GPBP1L1: variants seen among roughly 807,000 people sequenced by gnomAD.
GPBP1L1 encodes the protein GC-rich promoter binding protein 1 like 1, also known as vasculin-like protein 1.
Under a neutral mutation model 52.5 loss-of-function variants are expected in GPBP1L1, and 23 were observed. The observed-to-expected ratio is 0.44, with a 90% CI of 0.32 to 0.62. The LOEUF (loss-of-function observed/expected upper bound fraction) is 0.62. GPBP1L1 is among the 20% of genes least tolerant of loss of function. The probability of loss-of-function intolerance (pLI) is 0.06; values close to 1 mark genes in which losing one functional copy is unlikely to be tolerated. For synonymous variants in GPBP1L1, 243 were observed against 203.1 expected (o/e 1.20, Z -1.67); for missense variants, 596 against 579.3 (o/e 1.03, Z -0.30).
chr1:45,683,203 C>CT (rs764606358), intron 2 of GPBP1L1, among the ~76,000 whole-genome samples: 2,567 of 83,778 alleles, frequency 0.031, 442 homozygotes, highest in African/African-American at 0.042. Context: ...GAATATAGGC[C>CT]TTTTTTTTTT....
chr1:45,630,500 G>C lies in GPBP1L1; in HGVS notation c.1151C>G (p.Ser384Cys), dbSNP rs775584679. 11 of 1,613,834 alleles carry C rather than the reference G, an allele frequency of 6.8e-6. No homozygotes were observed. The highest frequency in any genetic ancestry group is 2.7e-5 in the African/African-American group (2 of 74,932). Residue 384 changes from serine to cysteine, a missense_variant, in exon 11 of 13, where the codon TCT (serine) becomes TGT (cysteine). Transcript: ENST00000355105. ...CACTTACCTGTGCTCTGCTTCTAGA[G>C]AGTGTGAGAGAACCTCCCCTTCTTC... is the stretch of plus-strand genomic sequence containing the variant. ...VVEEGEVLSH[S>C]LEAEHRLLKA...
At chr1:45,629,036 T>C (rs1032402993) in intron 12 of GPBP1L1, among the ~76,000 whole-genome samples, 7 of 152,224 alleles carry the variant, frequency 4.6e-5, no homozygotes, top group South Asian at 2.1e-4. Context: ...TTTTAAGGAC[T>C]TGGCCAATTG....
At chr1:45,671,710 A>G (rs1160698202) in intron 2 of GPBP1L1, among the ~76,000 whole-genome samples, 1 of 151,676 alleles carries the variant, frequency 6.6e-6, no homozygotes, top group Non-Finnish European at 1.5e-5. Flanking sequence ...TGTAGTCCCA[A>G]CTACTCAGGA....
At chr1:45,683,202 C>CTTT (rs1398765429) in intron 2 of GPBP1L1, among the ~76,000 whole-genome samples, 4 of 129,506 alleles carry the variant, frequency 3.1e-5, no homozygotes, top group East Asian at 2.3e-4. Context: ...TGAATATAGG[C>CTTT]CTTTTTTTTT....
At chr1:45,682,045 C>G (rs565907844) in intron 2 of GPBP1L1, among the ~76,000 whole-genome samples, 1 of 152,288 alleles carries the variant, frequency 6.6e-6, no homozygotes, top group Admixed American at 6.5e-5. Flanking sequence ...ATAATTGACT[C>G]TATTACAGCA....
At chr1:45,677,919 A>G (rs1245360560) in intron 2 of GPBP1L1, among the ~76,000 whole-genome samples, 1 of 152,206 alleles carries the variant, frequency 6.6e-6, no homozygotes, top group Non-Finnish European at 1.5e-5. Context: ...CTGGCACACA[A>G]CCACTTTGGA....
At chr1:45,679,891 CAAAAA>C (rs61208985) in intron 2 of GPBP1L1, among the ~76,000 whole-genome samples, 1 of 88,206 alleles carries the variant, frequency 1.1e-5, no homozygotes, top group African/African-American at 4.4e-5. Context: ...CTTATCTATA[CAAAAA>C]AAAAAAAAAA....
At chr1:45,680,474 T>C (rs1238177501) in intron 2 of GPBP1L1, among the ~76,000 whole-genome samples, 1 of 151,948 alleles carries the variant, frequency 6.6e-6, no homozygotes, top group Non-Finnish European at 1.5e-5. Context: ...CCTGGCCTCA[T>C]GTGATCCGCC....
chr1:45,674,785 A>G (rs1233372290), intron 2 of GPBP1L1, among the ~76,000 whole-genome samples: 1 of 152,204 alleles, frequency 6.6e-6, no homozygotes, highest in African/African-American at 2.4e-5. Flanking sequence ...GAAAACGTGT[A>G]AGGTAGGCTA....
chr1:45,653,944 C>G (rs1299246552), intron 6 of GPBP1L1, among the ~76,000 whole-genome samples: 1 of 151,944 alleles, frequency 6.6e-6, no homozygotes, highest in Non-Finnish European at 1.5e-5. Flanking sequence ...GGTGATCCAC[C>G]CGCCTCGGCT....
Position 45,644,296 on chromosome 1 carries a change from G to A in GPBP1L1, c.478-1797C>T, listed in dbSNP as rs1213614635. Among the ~76,000 whole-genome samples, 5 of 152,192 alleles carry A rather than the reference G, an allele frequency of 3.3e-5. No homozygotes were observed. In the South Asian group the frequency reaches 6.2e-4, roughly 19 times the overall value. On this transcript the variant is annotated intron_variant, in intron 6 of 12. Transcript: ENST00000355105. ...TTCCTTGTTTCATTTTAATAGGCAT[G>A]TTGTACCCAGGGTTCTCAGAGACAA...
intron 2 of GPBP1L1, among the ~76,000 whole-genome samples, chr1:45,669,220 C>T (rs1170730893): frequency 6.6e-6 from 1 of 152,206 alleles, no homozygotes; most frequent in Non-Finnish European, 1.5e-5. Flanking sequence ...GACTAGAGTA[C>T]ATTGGCACAA....
intron 6 of GPBP1L1, among the ~76,000 whole-genome samples, chr1:45,653,120 A>T (rs973583745): frequency 6.6e-6 from 1 of 152,134 alleles, no homozygotes; most frequent in African/African-American, 2.4e-5. Context: ...TACAGCAAGG[A>T]CCCCAGGTCA....
In GPBP1L1 at chr1:45,630,513, C is replaced by T. The variant is rs1250460881; in HGVS notation, c.1138G>A (p.Val380Ile). The T allele has an allele frequency of 6.2e-7, 1 of 1,613,942 alleles. No homozygotes were observed. The highest frequency in any genetic ancestry group is 1.1e-5 in the South Asian group (1 of 91,072). Residue 380 changes from valine to isoleucine, a missense_variant, in exon 11 of 13, where the codon GTT (valine) becomes ATT (isoleucine). Val to Ile is a conservative substitution (Grantham distance 29). Transcript: ENST00000355105. ...LALPVVEEGE[V>I]LSHSLEAEHR... is the part of the protein sequence containing the mutation. ...TCTGCTTCTAGAGAGTGTGAGAGAA[C>T]CTCCCCTTCTTCCACTACAGGGAGG...
At chr1:45,664,304 G>A (rs1203451291) in intron 2 of GPBP1L1, among the ~76,000 whole-genome samples, 1 of 151,948 alleles carries the variant, frequency 6.6e-6, no homozygotes, top group South Asian at 2.1e-4. Flanking sequence ...CTGGGCAACA[G>A]AGTGAGACTC....
At chr1:45,676,885 G>GCAA (rs779262693) in intron 2 of GPBP1L1, among the ~76,000 whole-genome samples, 2 of 149,544 alleles carry the variant, frequency 1.3e-5, no homozygotes, top group Non-Finnish European at 3.0e-5. Flanking sequence ...TCTCAAAACA[G>GCAA]CAACAACAAC....
chr1:45,646,822 G>A (rs916067268), intron 6 of GPBP1L1, among the ~76,000 whole-genome samples: 2 of 152,080 alleles, frequency 1.3e-5, no homozygotes, highest in African/African-American at 4.8e-5. Context: ...CTCCCAAACT[G>A]CTGGGATTAC....
chr1:45,668,844 G>A (rs527758174), intron 2 of GPBP1L1, among the ~76,000 whole-genome samples: 25 of 126,662 alleles, frequency 2.0e-4, no homozygotes, highest in African/African-American at 7.5e-4. Context: ...ATGGTGGTGG[G>A]CGCCTACTTG....
Position 45,629,407 on chromosome 1 carries a change from A to G in GPBP1L1, c.1272+169T>C, listed in dbSNP as rs547679625. Among the ~76,000 whole-genome samples, 4 of 139,490 alleles carry G rather than the reference A, an allele frequency of 2.9e-5. No homozygotes were observed. The South Asian group carries it at 9.2e-4, about 32-fold the overall frequency. 91.5% of individuals were successfully genotyped at this position (139,490 alleles called of 152,430 possible). A position where few individuals can be genotyped will look rare whatever the true frequency, so the allele number is the denominator to read the frequency against. ...TTTGTATATAACACTGGGGATCCTTATTTCCCAGGCAGATTTAGGGGCCCC... is the reference window on the plus strand; with the variant it reads ...TTTGTATATAACACTGGGGATCCTTGTTTCCCAGGCAGATTTAGGGGCCCC... On this transcript the variant is annotated intron_variant, in intron 12 of 12. Transcript: ENST00000355105.
Sources: gnomAD v4.1 joint callset for allele counts (sites outside exome capture counted in the v4.1 genomes callset) on GRCh38, gnomAD v4.1.1 for gene constraint, MANE v1.5 for transcripts, NCBI Gene and HGNC (gene_info 2026-07-23, HGNC 2026-07-21) for gene names.